Variants in FRMD5 observed in about 807,000 individuals in gnomAD.
FRMD5 encodes the protein FERM domain containing 5.
In FRMD5, 20 loss-of-function variants were observed where a neutral mutation model predicts 69.0. That is an observed-to-expected ratio of 0.29 (90% confidence interval 0.20 to 0.42). The LOEUF is 0.42. FRMD5 is among the 10% of genes least tolerant of loss of function. The pLI is 1.00. For missense variants in FRMD5, 595 were observed against 708.6 expected (o/e 0.84, Z 1.82); for synonymous variants, 271 against 260.1 (o/e 1.04, Z -0.40).
intron 6 of FRMD5, among the ~76,000 whole-genome samples, chr15:43,903,618 G>T (rs907490323): frequency 6.6e-6 from 1 of 152,212 alleles, no homozygotes; most frequent in South Asian, 2.1e-4. Context: ...TAGTGTACCT[G>T]AGGCACAGGG....
At chr15:43,943,972 T>C (rs1420676351) in intron 1 of FRMD5, among the ~76,000 whole-genome samples, 1 of 152,160 alleles carries the variant, frequency 6.6e-6, no homozygotes, top group Non-Finnish European at 1.5e-5. Flanking sequence ...TCTTTCTACT[T>C]AGAGCAAAGC....
intron 1 of FRMD5, among the ~76,000 whole-genome samples, chr15:43,954,071 G>A (rs2090077397): frequency 6.6e-6 from 1 of 152,198 alleles, no homozygotes; most frequent in South Asian, 2.1e-4. Context: ...TGCCAGAGCT[G>A]AGCTGCACGT....
intron 7 of FRMD5, among the ~76,000 whole-genome samples, chr15:43,894,703 C>G (rs2088873915): frequency 6.6e-6 from 1 of 151,992 alleles, no homozygotes; most frequent in Non-Finnish European, 1.5e-5. Context: ...GGAGGGCCCC[C>G]CTCTGCTTCT....
chr15:43,920,736 A>G (rs2089479216), intron 2 of FRMD5, among the ~76,000 whole-genome samples: 1 of 152,228 alleles, frequency 6.6e-6, no homozygotes, highest in Non-Finnish European at 1.5e-5. Context: ...CTCGTTTACC[A>G]CTGTATCACC....
chr15:44,065,950 CT>C (rs200238846), intron 1 of FRMD5, among the ~76,000 whole-genome samples: 3 of 151,296 alleles, frequency 2.0e-5, no homozygotes, highest in African/African-American at 4.8e-5. Flanking sequence ...ACCAGTTCCA[CT>C]TTTTTTTTAC....
chr15:43,977,315 AAC>A (rs2090479382), intron 1 of FRMD5, among the ~76,000 whole-genome samples: 1 of 152,150 alleles, frequency 6.6e-6, no homozygotes, highest in Non-Finnish European at 1.5e-5. Flanking sequence ...TAAGGTAGGA[AAC>A]ACAGTCACCA....
intron 1 of FRMD5, among the ~76,000 whole-genome samples, chr15:43,965,709 G>C (rs925223795): frequency 6.7e-6 from 1 of 149,818 alleles, no homozygotes; most frequent in South Asian, 2.1e-4. Flanking sequence ...AGCCTCCCAA[G>C]TAGCTGGGAT....
At chr15:43,905,687 G>C (rs1227307142) in intron 6 of FRMD5, 141 bp downstream of exon 6, 1 of 1,025,490 alleles carries the variant, frequency 9.8e-7, no homozygotes, top group Non-Finnish European at 1.5e-6. Flanking sequence ...ACTGACAATG[G>C]TACATCCGCG....
At chr15:43,943,469 T>C (rs530281311) in intron 1 of FRMD5, among the ~76,000 whole-genome samples, 2 of 152,362 alleles carry the variant, frequency 1.3e-5, no homozygotes, top group South Asian at 4.1e-4. Flanking sequence ...ACCTCTGTAC[T>C]GGGTAGAATA....
At chr15:43,973,384 G>C (rs1457404964) in intron 1 of FRMD5, among the ~76,000 whole-genome samples, 1 of 105,960 alleles carries the variant, frequency 9.4e-6, no homozygotes, top group African/African-American at 3.6e-5. Flanking sequence ...TTTTTTTTTT[G>C]AGACAGAGTC....
intron 1 of FRMD5, among the ~76,000 whole-genome samples, chr15:44,094,598 T>C (rs2076524140): frequency 6.6e-6 from 1 of 152,230 alleles, no homozygotes; most frequent in South Asian, 2.1e-4. Flanking sequence ...AAGAGTTTTA[T>C]TTTCCATTTT....
At chr15:44,025,173 T>C (rs1891376487) in intron 1 of FRMD5, among the ~76,000 whole-genome samples, 1 of 152,130 alleles carries the variant, frequency 6.6e-6, no homozygotes, top group South Asian at 2.1e-4. Flanking sequence ...ACCATCACCA[T>C]TATTAGGGGG....
chr15:44,097,331 A>G (rs2076568197), intron 1 of FRMD5, among the ~76,000 whole-genome samples: 1 of 152,238 alleles, frequency 6.6e-6, no homozygotes, highest in Admixed American at 6.5e-5. Context: ...AAGTGCCTTT[A>G]GCAAAGCCTC....
At chr15:43,899,202 A>G (rs1173745686) in intron 7 of FRMD5, among the ~76,000 whole-genome samples, 1 of 152,198 alleles carries the variant, frequency 6.6e-6, no homozygotes, top group Non-Finnish European at 1.5e-5. Flanking sequence ...GCATATCACT[A>G]AAGTGACTCC....
At chr15:44,082,042 G>A (rs1331835257) in intron 1 of FRMD5, among the ~76,000 whole-genome samples, 1 of 151,830 alleles carries the variant, frequency 6.6e-6, no homozygotes, top group African/African-American at 2.4e-5. Flanking sequence ...TGGTACTTTA[G>A]GGACAGTAGA....
At position 43,871,003 on chromosome 15, in the gene FRMD5, G is replaced by C. The variant is rs1413548572; in HGVS notation, c.*2882C>G. On this transcript the variant is annotated 3_prime_UTR_variant, in exon 14 of 14. Transcript: ENST00000417257. ...TGCAGTATGCTATTCTTTAGTAAGAGTTTTATTTCCTGATAGATGAAGCTA... is the reference window on the plus strand; with the variant it reads ...TGCAGTATGCTATTCTTTAGTAAGACTTTTATTTCCTGATAGATGAAGCTA... 6.6e-6 allele frequency: 1 copy of C among 152,132 alleles called. No homozygotes were observed. Among genetic ancestry groups the C allele is most frequent in the Non-Finnish European group, 1.5e-5 (1 of 68,004 alleles). 9.4% of individuals were successfully genotyped at this position (152,132 alleles called of 1,614,324 possible).
chr15:44,022,286 C>T (rs1031621627), intron 1 of FRMD5, among the ~76,000 whole-genome samples: 4 of 149,086 alleles, frequency 2.7e-5, no homozygotes, highest in Non-Finnish European at 6.0e-5. Flanking sequence ...GGGCAGGCGG[C>T]TGGGTGCAGT....
chr15:43,895,230 G>T (rs1595491761), intron 7 of FRMD5, among the ~76,000 whole-genome samples: 1 of 152,332 alleles, frequency 6.6e-6, no homozygotes, highest in East Asian at 1.9e-4. Context: ...CGAAAATGTG[G>T]GAAGTTAGAA....
chr15:44,066,784 G>A (rs979051852), intron 1 of FRMD5, among the ~76,000 whole-genome samples: 1 of 152,008 alleles, frequency 6.6e-6, no homozygotes, highest in African/African-American at 2.4e-5. Flanking sequence ...GCCACTGAGA[G>A]GGTTACTACA....
Sources: gnomAD v4.1 joint callset for allele counts (sites outside exome capture counted in the v4.1 genomes callset) on GRCh38, gnomAD v4.1.1 for gene constraint, MANE v1.5 for transcripts, NCBI Gene and HGNC (gene_info 2026-07-23, HGNC 2026-07-21) for gene names.